Variants in CFAP61 observed in about 807,000 individuals in gnomAD.
The protein encoded by CFAP61 is cilia- and flagella-associated protein 61.
CFAP61 carries 107 observed loss-of-function variants against 135.6 expected under a neutral mutation model. The ratio of observed to expected loss-of-function variants is 0.79; its 90% CI spans 0.67 to 0.93. The LOEUF is 0.93. Ranked by LOEUF, CFAP61 falls within the 40% of genes least tolerant of loss-of-function variation. The probability of loss-of-function intolerance (pLI) is 0.00; values close to 1 mark genes in which losing one functional copy is unlikely to be tolerated. For synonymous variants in CFAP61, 575 were observed against 578.5 expected (o/e 0.99, Z 0.09); for missense variants, 1,507 against 1,556.2 (o/e 0.97, Z 0.53).
chr20:20,340,804 A>G (rs949927637), intron 25 of CFAP61, among the ~76,000 whole-genome samples: 8 of 152,158 alleles, frequency 5.3e-5, no homozygotes, highest in Non-Finnish European at 1.2e-4. Context: ...ATACCACCTA[A>G]ACAGCAACGC....
At chr20:20,205,118 T>C (rs1485370134) in intron 17 of CFAP61, among the ~76,000 whole-genome samples, 2 of 152,158 alleles carry the variant, frequency 1.3e-5, no homozygotes, top group Admixed American at 6.5e-5. Flanking sequence ...TATATAAATA[T>C]TCACCAGAAG....
intron 8 of CFAP61, among the ~76,000 whole-genome samples, chr20:20,130,671 A>ATCCTGAATG: frequency 6.6e-6 from 1 of 151,908 alleles, no homozygotes; most frequent in Admixed American, 6.5e-5. Flanking sequence ...GCAAACAGTC[A>ATCCTGAATG]GAGTGCCACC....
At chr20:20,157,496 CA>C (rs1212909143) in intron 9 of CFAP61, among the ~76,000 whole-genome samples, 2 of 152,186 alleles carry the variant, frequency 1.3e-5, no homozygotes, top group East Asian at 1.9e-4. Context: ...TGATTTTTGA[CA>C]AAGGCACATG....
Position 20,109,582 on chromosome 20 carries a change from C to G in CFAP61, c.859+10768C>G, listed in dbSNP as rs148272905. 2.8e-3 allele frequency among the ~76,000 whole-genome samples: 427 copies of G among 152,264 alleles called. 3 individuals are homozygous for G. Among genetic ancestry groups the G allele is most frequent in the African/African-American group, 9.8e-3 (407 of 41,546 alleles). ...AGAATAGACTTCAGCAAGGCAGACT[C>G]CCTTCCCCCTCTAACTAGGGTGCTC... On this transcript the variant is annotated intron_variant, in intron 8 of 26. Transcript: ENST00000245957.
rs530001265 is a variant in CFAP61, at chr20:20,168,646, T to A, written c.1246-675T>A. On this transcript the variant is annotated intron_variant, in intron 12 of 26. Transcript: ENST00000245957. Reference sequence around the variant, plus strand: ...TTAAATGAATTTAAATGAAATAAAATTTAAAATTTAGTTCCTCCGCCAATA... The same window carrying A: ...TTAAATGAATTTAAATGAAATAAAAATTAAAATTTAGTTCCTCCGCCAATA... Among the ~76,000 whole-genome samples the A allele has an allele frequency of 7.2e-5, 11 of 152,292 alleles. No homozygotes were observed. The South Asian group carries it at 2.3e-3, about 32-fold the overall frequency.
In CFAP61 at chr20:20,090,863, C is replaced by G. The variant is rs1403638144; in HGVS notation, c.586C>G (p.Leu196Val). The change falls in exon 7 of 27, where the codon CTC becomes GTC. Residue 196 changes from leucine (L) to valine (V), a missense_variant. Physicochemically the swap from Leu to Val is conservative, Grantham distance 32. Coordinates refer to ENST00000245957, the MANE Select transcript of CFAP61 (RefSeq NM_015585.4). ...AAACAGGGTGGAAGACCATGACGAT[C>G]TCATGCCAATATTTATGCGCTATGA... ...RKARVEDHDDLMPIFMRYDTI... is the reference protein window; with the variant it reads ...RKARVEDHDDVMPIFMRYDTI... The G allele has an allele frequency of 1.2e-6, 2 of 1,614,136 alleles. No homozygotes were observed. Among genetic ancestry groups the G allele is most frequent in the Admixed American group, 3.3e-5 (2 of 60,014 alleles).
chr20:20,264,570 G>T (rs1266433788), intron 21 of CFAP61, among the ~76,000 whole-genome samples: 1 of 152,174 alleles, frequency 6.6e-6, no homozygotes, highest in East Asian at 1.9e-4. Flanking sequence ...TGTAGACTCA[G>T]AGTATTTTCT....
At chr20:20,188,621 G>A (rs1432551890) in intron 14 of CFAP61, among the ~76,000 whole-genome samples, 21 of 152,188 alleles carry the variant, frequency 1.4e-4, no homozygotes, top group Admixed American at 1.4e-3. Context: ...CAAAAGTCAG[G>A]CTTGTGGCAG....
chr20:20,122,148 T>G (rs973729945), intron 8 of CFAP61, among the ~76,000 whole-genome samples: 29 of 149,946 alleles, frequency 1.9e-4, no homozygotes, highest in African/African-American at 5.6e-4. Flanking sequence ...GTCATTCTTT[T>G]TTGTTGTTGT....
chr20:20,347,924 C>T (rs541388497), intron 26 of CFAP61, among the ~76,000 whole-genome samples: 5 of 124,816 alleles, frequency 4.0e-5, no homozygotes, highest in Admixed American at 8.9e-5. Flanking sequence ...CAGAGCAAGA[C>T]GCCATCTCAA....
At chr20:20,053,586 TTATG>T (rs926739310) in intron 1 of CFAP61, among the ~76,000 whole-genome samples, 2 of 152,198 alleles carry the variant, frequency 1.3e-5, no homozygotes, top group Middle Eastern at 3.2e-3. Context: ...AAATATATAT[TTATG>T]TATGTAGTAA....
At position 20,360,348 on chromosome 20, in the gene CFAP61, C is replaced by G. The variant is rs754474777; in HGVS notation, c.3652C>G (p.Leu1218Val). ...IYKTLVERSTLDYLHYNRYHL... is the reference protein window; with the variant it reads ...IYKTLVERSTVDYLHYNRYHL... Reference sequence around the variant, plus strand: ...CAAAACCCTGGTGGAGAGAAGCACTCTTGACTACCTGCACTATAACCGCTA... The same window carrying G: ...CAAAACCCTGGTGGAGAGAAGCACTGTTGACTACCTGCACTATAACCGCTA... The change falls in exon 27 of 27, where the codon CTT becomes GTT. Residue 1218 changes from leucine to valine, a missense_variant. Transcript: ENST00000245957. 1.9e-6 allele frequency: 3 copies of G among 1,613,910 alleles called. No individual in the cohort carries two copies. In the South Asian group the frequency reaches 3.3e-5, roughly 18 times the overall value.
At chr20:20,090,424 G>A (rs749368631) in intron 6 of CFAP61, among the ~76,000 whole-genome samples, 1 of 152,176 alleles carries the variant, frequency 6.6e-6, no homozygotes, top group Non-Finnish European at 1.5e-5. Flanking sequence ...AGGCGTGGCA[G>A]CTCACATTTG....
At chr20:20,101,870 C>G (rs139391642) in intron 8 of CFAP61, among the ~76,000 whole-genome samples, 1 of 152,078 alleles carries the variant, frequency 6.6e-6, no homozygotes, top group Non-Finnish European at 1.5e-5. Flanking sequence ...TCAGGTGATC[C>G]GCCCACCTCG....
chr20:20,152,373 A>C (rs186778519), intron 9 of CFAP61, among the ~76,000 whole-genome samples: 2 of 152,254 alleles, frequency 1.3e-5, no homozygotes, highest in Non-Finnish European at 1.5e-5. Flanking sequence ...CTCATATCTC[A>C]GTACTAACAT....
chr20:20,251,613 A>C lies in CFAP61; in HGVS notation c.2178A>C (p.Lys726Asn), dbSNP rs2050917697. The change falls in exon 20 of 27, where the codon AAA becomes AAC. Residue 726 changes from lysine (K) to asparagine (N), a missense_variant. Physicochemically the swap from Lys to Asn is moderately conservative, Grantham distance 94. Transcript: ENST00000245957. ...TTTGCAGCCACTGTTTTAATGATAA[A>C]GATTATGCACTGATGTCACTGTGCT... is the stretch of plus-strand genomic sequence containing the variant. ...FLASDHCFND[K>N]DYALMSLCSW... is the part of the protein sequence containing the mutation. 6.2e-7 allele frequency: 1 copy of C among 1,614,130 alleles called. No individual in the cohort carries two copies. The highest frequency in any genetic ancestry group is 8.5e-7 in the Non-Finnish European group (1 of 1,180,012).
chr20:20,327,941 C>CCTGGG (rs2057828043), intron 25 of CFAP61, among the ~76,000 whole-genome samples: 3 of 152,214 alleles, frequency 2.0e-5, no homozygotes, highest in Non-Finnish European at 4.4e-5. Flanking sequence ...CAGCACTCAT[C>CCTGGG]TGCCCCGGGT....
chr20:20,300,067 G>C (rs142301524), intron 25 of CFAP61, among the ~76,000 whole-genome samples: 232 of 152,224 alleles, frequency 1.5e-3, no homozygotes, highest in African/African-American at 5.3e-3. Context: ...CCATCTCCAA[G>C]GGCCACATTC....
At chr20:20,134,162 C>T (rs1255474297) in intron 8 of CFAP61, among the ~76,000 whole-genome samples, 1 of 152,150 alleles carries the variant, frequency 6.6e-6, no homozygotes, top group Non-Finnish European at 1.5e-5. Context: ...ACACCTAAGT[C>T]ATCTTGAGAG....
Sources: gnomAD v4.1 joint callset for allele counts (sites outside exome capture counted in the v4.1 genomes callset) on GRCh38, gnomAD v4.1.1 for gene constraint, MANE v1.5 for transcripts, NCBI Gene and HGNC (gene_info 2026-07-23, HGNC 2026-07-21) for gene names.